ST18: variants seen among roughly 807,000 people sequenced by gnomAD.
ST18 encodes suppression of tumorigenicity 18 protein.
ST18 carries 50 observed loss-of-function variants against 110.0 expected under a neutral mutation model. The ratio of observed to expected loss-of-function variants is 0.45; its 90% confidence interval spans 0.36 to 0.58. ST18 has a LOEUF of 0.58. Ranked by LOEUF, ST18 falls within the 20% of genes least tolerant of loss-of-function variation. The pLI, the probability that ST18 is intolerant of heterozygous loss-of-function variation, is 0.00. For synonymous variants in ST18, 461 were observed against 452.4 expected, an observed-to-expected ratio of 1.02 and a Z score of -0.24; for missense variants, 1,306 against 1,280.1, an observed-to-expected ratio of 1.02 and a Z score of -0.31.
chr8:52,331,407 G>A (rs1809340530), intron 2 of ST18, among the ~76,000 whole-genome samples: 2 of 151,882 alleles, frequency 1.3e-5, no homozygotes, highest in Non-Finnish European at 2.9e-5. Context: ...AGGTCCATGT[G>A]AATACAAAAT....
chr8:52,257,161 A>C (rs2094551642), intron 2 of ST18, among the ~76,000 whole-genome samples: 1 of 152,182 alleles, frequency 6.6e-6, no homozygotes, highest in African/African-American at 2.4e-5. Context: ...TTACTGATTA[A>C]TATTCTATTG....
chr8:52,117,551 G>A (rs1326007155), intron 24 of ST18, among the ~76,000 whole-genome samples: 1 of 152,116 alleles, frequency 6.6e-6, no homozygotes, highest in Non-Finnish European at 1.5e-5. Context: ...TCAATCTGTG[G>A]ACCAGATGGC....
intron 8 of ST18, among the ~76,000 whole-genome samples, chr8:52,186,543 C>T (rs527259168): frequency 1.8e-4 from 28 of 152,252 alleles, no homozygotes; most frequent in African/African-American, 6.3e-4. Context: ...TACCCATGGC[C>T]CAGAAATTCC....
At chr8:52,338,871 G>C (rs1350554820) in intron 2 of ST18, among the ~76,000 whole-genome samples, 1 of 151,932 alleles carries the variant, frequency 6.6e-6, no homozygotes, top group African/African-American at 2.4e-5. Flanking sequence ...CTGAATAGCT[G>C]AGACTACAGG....
chr8:52,275,726 G>A (rs183782474), intron 2 of ST18, among the ~76,000 whole-genome samples: 47 of 152,188 alleles, frequency 3.1e-4, no homozygotes, highest in African/African-American at 1.1e-3. Context: ...GATAAAACCT[G>A]CGAGCCCTGT....
intron 6 of ST18, among the ~76,000 whole-genome samples, chr8:52,215,604 C>T (rs2083885570): frequency 6.6e-6 from 1 of 152,238 alleles, no homozygotes; most frequent in Admixed American, 6.5e-5. Context: ...AAAAAGTGTT[C>T]ACTGCCTTTG....
intron 2 of ST18, among the ~76,000 whole-genome samples, chr8:52,357,697 AT>A (rs1480721402): frequency 2.4e-5 from 2 of 82,942 alleles, no homozygotes; most frequent in African/African-American, 9.6e-5. Flanking sequence ...ATATATATAT[AT>A]ATATATATAT....
intron 8 of ST18, among the ~76,000 whole-genome samples, chr8:52,181,498 C>T (rs866024968): frequency 2.0e-5 from 3 of 151,966 alleles, no homozygotes; most frequent in African/African-American, 7.2e-5. Flanking sequence ...CTGGAAGAAG[C>T]AATAATTAGA....
intron 19 of ST18, among the ~76,000 whole-genome samples, chr8:52,134,027 C>T (rs180684447): frequency 2.0e-5 from 3 of 152,112 alleles, no homozygotes; most frequent in Admixed American, 6.5e-5. Flanking sequence ...CACTGTGCCC[C>T]GCCTCCAAAT....
intron 24 of ST18, among the ~76,000 whole-genome samples, chr8:52,117,037 C>T (rs1258225314): frequency 6.6e-6 from 1 of 152,192 alleles, no homozygotes; most frequent in Non-Finnish European, 1.5e-5. Flanking sequence ...CTCGTTAGCT[C>T]AAAACTGTGC....
intron 6 of ST18, among the ~76,000 whole-genome samples, chr8:52,217,008 T>C (rs2084542764): frequency 6.6e-6 from 1 of 152,216 alleles, no homozygotes; most frequent in African/African-American, 2.4e-5. Context: ...TAACTTGTTC[T>C]GAAGTCTTGA....
At chr8:52,181,798 T>C (rs2069715605) in intron 8 of ST18, among the ~76,000 whole-genome samples, 1 of 152,080 alleles carries the variant, frequency 6.6e-6, no homozygotes, top group Admixed American at 6.5e-5. Context: ...ACACCGTAGA[T>C]TATGATGTAA....
At chr8:52,403,044 G>A (rs963379907) in intron 2 of ST18, among the ~76,000 whole-genome samples, 3 of 152,296 alleles carry the variant, frequency 2.0e-5, no homozygotes, top group Non-Finnish European at 4.4e-5. Flanking sequence ...GCTGGTTCAG[G>A]CACTGAAGTG....
chr8:52,166,242 G>A (rs546729536), intron 11 of ST18, among the ~76,000 whole-genome samples: 1 of 152,306 alleles, frequency 6.6e-6, no homozygotes, highest in Admixed American at 6.5e-5. Context: ...TAACTCTGGA[G>A]GGACTGCCCC....
Position 52,389,961 on chromosome 8 carries a change from A to T in ST18, c.-465+19367T>A, listed in dbSNP as rs184344377. Reference sequence around the variant, plus strand: ...CAACAACAACAACAACAAAAAGTTTAATTAAACATTTAAATATCTGGAGAG... The same window carrying T: ...CAACAACAACAACAACAAAAAGTTTTATTAAACATTTAAATATCTGGAGAG... On this transcript the variant is annotated intron_variant, in intron 2 of 25. Coordinates refer to ENST00000689386, the MANE Select transcript of ST18 (RefSeq NM_001352837.2). Among the ~76,000 whole-genome samples the T allele has an allele frequency of 2.0e-5, 3 of 152,328 alleles. No individual in the cohort carries two copies. The East Asian group carries it at 5.8e-4, about 29-fold the overall frequency.
intron 10 of ST18, among the ~76,000 whole-genome samples, chr8:52,167,758 G>A (rs952234086): frequency 2.6e-5 from 4 of 152,058 alleles, no homozygotes; most frequent in African/African-American, 7.2e-5. Flanking sequence ...ACCGAGCAGC[G>A]GTCCAGAGAG....
intron 17 of ST18, among the ~76,000 whole-genome samples, chr8:52,142,330 A>G (rs1178618041): frequency 6.6e-6 from 1 of 152,094 alleles, no homozygotes; most frequent in Non-Finnish European, 1.5e-5. Context: ...GATGAGGGAT[A>G]CAGAAGAGAG....
At chr8:52,165,557 G>A (rs544175206) in intron 11 of ST18, among the ~76,000 whole-genome samples, 18 of 152,294 alleles carry the variant, frequency 1.2e-4, no homozygotes, top group African/African-American at 2.6e-4. Flanking sequence ...GGAGCATGCC[G>A]TTTGTCATAT....
At position 52,298,136 on chromosome 8, in the gene ST18, A is replaced by T. The variant is rs141741682; in HGVS notation, c.-464-68059T>A. ...GTCCCCGGCCTTCAGCTAGAGGGGG[A>T]CCCTATGAGGCATTTTAGGGCCTAC... is the stretch of plus-strand genomic sequence containing the variant. On this transcript the variant is annotated intron_variant, in intron 2 of 25. Coordinates refer to ENST00000689386, the MANE Select transcript of ST18 (RefSeq NM_001352837.2). 3.9e-3 allele frequency among the ~76,000 whole-genome samples: 587 copies of T among 152,088 alleles called. 3 individuals are homozygous for T. Among genetic ancestry groups the T allele is most frequent in the African/African-American group, 0.014 (560 of 41,480 alleles).
Sources: allele counts gnomAD v4.1 joint callset (sites outside exome capture counted in the v4.1 genomes callset), GRCh38; gene constraint gnomAD v4.1.1; transcripts MANE v1.5; gene names NCBI Gene and HGNC (gene_info 2026-07-23, HGNC 2026-07-21).